DNAH10: variants seen among roughly 807,000 people sequenced by gnomAD.
The protein encoded by DNAH10 is axonemal beta dynein heavy chain 10.
In DNAH10, 348 loss-of-function variants were observed where a neutral mutation model predicts 506.6. The observed-to-expected ratio is 0.69, with a 90% confidence interval of 0.63 to 0.75. The LOEUF (loss-of-function observed/expected upper bound fraction) is 0.75, where lower values mean the gene tolerates loss of function less well. Among genes scored for constraint, DNAH10 ranks in the 30% least tolerant of loss-of-function variants. The probability of loss-of-function intolerance (pLI) is 0.00; values close to 1 mark genes in which losing one functional copy is unlikely to be tolerated. For synonymous variants in DNAH10, 2,059 were observed against 2,198.6 expected, an observed-to-expected ratio of 0.94 and a Z score of 1.78; for missense variants, 5,179 against 5,787.1, an observed-to-expected ratio of 0.89 and a Z score of 3.41.
At chr12:123,800,435 G>A (rs1449029196) in intron 15 of DNAH10, 47 bp downstream of exon 15, 4 of 1,576,326 alleles carry the variant, frequency 2.5e-6, no homozygotes, top group Non-Finnish European at 3.5e-6. Flanking sequence ...TTTGTTCTTG[G>A]GACCCCTTTA....
chr12:123,784,525 C>T (rs1180236292), intron 8 of DNAH10, among the ~76,000 whole-genome samples: 4 of 151,898 alleles, frequency 2.6e-5, no homozygotes, highest in Non-Finnish European at 5.9e-5. Context: ...CCAGCCTGGG[C>T]AACATAGCGA....
chr12:123,851,059 G>T lies in DNAH10; in HGVS notation c.6274G>T (p.Gly2092Cys), dbSNP rs771936663. 1 of 1,604,566 alleles carries T rather than the reference G, an allele frequency of 6.2e-7. No homozygotes were observed. The highest frequency in any genetic ancestry group is 8.5e-7 in the Non-Finnish European group (1 of 1,173,266). Residue 2092 changes from glycine (G) to cysteine (C), a missense_variant, in exon 35 of 79, where the codon GGC becomes TGC. By Grantham distance (159) the Gly-to-Cys change is radical (BLOSUM62 -3). This residue lies in a region of DNAH10 where 4,844 missense variants were observed against 5,430.5 expected (regional missense o/e 0.89). Coordinates refer to ENST00000673944, the MANE Select transcript of DNAH10 (RefSeq NM_001372106.1). Reference protein sequence around the residue: ...QICEIMLFSEGFLEAKTLAKK... With the variant: ...QICEIMLFSECFLEAKTLAKK... ...CTGTGAGATCATGCTCTTCTCTGAG[G>T]GCTTCCTGGAGGCCAAGGTGGGGGG...
At chr12:123,840,486 C>A (rs1262910223) in intron 29 of DNAH10, among the ~76,000 whole-genome samples, 1 of 146,642 alleles carries the variant, frequency 6.8e-6, no homozygotes, top group East Asian at 2.0e-4. Context: ...CTCATTGCAG[C>A]CTCTACCTCC....
intron 1 of DNAH10, among the ~76,000 whole-genome samples, chr12:123,765,216 A>G (rs937739446): frequency 6.6e-6 from 1 of 152,090 alleles, no homozygotes; most frequent in Non-Finnish European, 1.5e-5. Flanking sequence ...GCAGATACCC[A>G]AGATACTGAT....
chr12:123,863,799 G>A (rs1378520577), intron 39 of DNAH10, among the ~76,000 whole-genome samples: 1 of 152,212 alleles, frequency 6.6e-6, no homozygotes, highest in Non-Finnish European at 1.5e-5. Flanking sequence ...ATCTTTTGGT[G>A]GGGGGTGGGT....
intron 27 of DNAH10, among the ~76,000 whole-genome samples, chr12:123,835,104 G>A (rs770403606): frequency 1.6e-4 from 25 of 152,180 alleles, no homozygotes; most frequent in African/African-American, 2.9e-4. Flanking sequence ...CCTGTCCTTC[G>A]CTGTTGTGGG....
Position 123,879,858 on chromosome 12 carries a change from C to T in DNAH10, c.8634+57C>T, listed in dbSNP as rs142959183. The stretch of plus-strand genomic sequence containing the variant: ...CACTTTCTCCTGAGCATGGGCCAAG[C>T]GGGAGCTGAGCATCGCGCGGGTGCC... On this transcript the variant is annotated intron_variant, in intron 50 of 78. Transcript: ENST00000673944. The T allele has an allele frequency of 0.012, 18,386 of 1,579,736 alleles. 142 individuals are homozygous for T. The highest frequency in any genetic ancestry group is 0.014 in the Non-Finnish European group (16,072 of 1,160,972).
intron 13 of DNAH10, among the ~76,000 whole-genome samples, chr12:123,797,260 C>T (rs920972129): frequency 7.9e-5 from 12 of 152,186 alleles, no homozygotes; most frequent in Non-Finnish European, 1.8e-4. Context: ...CCATGCAGCA[C>T]GCTATGTAGA....
In DNAH10 at chr12:123,787,887, G is replaced by A; in HGVS notation, c.1505G>A (p.Arg502Gln). Residue 502 changes from arginine to glutamine, a missense_variant, in exon 10 of 79, where the codon CGG becomes CAG. By Grantham distance (43) the Arg-to-Gln change is conservative (BLOSUM62 1). Around this residue, in one of 3 missense-constraint regions of DNAH10, gnomAD observed 4,844 missense variants for 5,430.5 expected, o/e 0.89. Coordinates refer to ENST00000673944, the MANE Select transcript of DNAH10 (RefSeq NM_001372106.1). This position sits in a 1 kb window ranked among gnomAD's most constrained non-coding sequence, Gnocchi z 4.6. ...RLWKKAYFDT[R>Q]AKIEASGRED... ...TGGAAAAAGGCCTATTTTGACACCC[G>A]GGCCAAGATAGAGGCTTCGGGGAGG... The A allele has an allele frequency of 3.1e-6, 5 of 1,613,640 alleles. No homozygotes were observed. The highest frequency in any genetic ancestry group is 2.5e-6 in the Non-Finnish European group (3 of 1,179,844).
intron 77 of DNAH10, 174 bp from the exon 78 acceptor site, chr12:123,934,447 C>G (rs775052322): frequency 1.9e-5 from 16 of 820,770 alleles, no homozygotes; most frequent in Admixed American, 6.1e-5. Flanking sequence ...TGCTCCTCCA[C>G]AGAGGGAAGG....
At position 123,928,140 on chromosome 12, in the gene DNAH10, G is replaced by A. The variant is rs1955028082; in HGVS notation, c.12106-247G>A. ...TGGGACTTCCAGGGCCAGGGAGGCA[G>A]ATGAGTGCAAAATGCTCACCCATCT... On this transcript the variant is annotated intron_variant, in intron 69 of 78. Coordinates refer to ENST00000673944, the MANE Select transcript of DNAH10 (RefSeq NM_001372106.1). The surrounding 1 kb of genome is among the most constrained non-coding windows in gnomAD (Gnocchi z 4.9). The A allele has an allele frequency of 1.7e-6, 1 of 585,128 alleles. No homozygotes were observed. The highest frequency in any genetic ancestry group is 1.9e-5 in the African/African-American group (1 of 53,700). 36.2% of individuals were successfully genotyped at this position (585,128 alleles called of 1,614,324 possible). A position where few individuals can be genotyped will look rare whatever the true frequency, so the allele number is the denominator to read the frequency against.
intron 30 of DNAH10, among the ~76,000 whole-genome samples, chr12:123,842,471 G>A (rs942740663): frequency 6.6e-6 from 1 of 152,192 alleles, no homozygotes; most frequent in Non-Finnish European, 1.5e-5. Context: ...AGAATATTTG[G>A]CAGGGCCTTC....
intron 28 of DNAH10, 104 bp downstream of exon 28, chr12:123,835,632 C>A: frequency 6.9e-7 from 1 of 1,455,472 alleles, no homozygotes; most frequent in South Asian, 1.4e-5. Context: ...TAGCTTCTCT[C>A]TCATTTTTTA....
At chr12:123,835,023 T>C (rs1053673687) in intron 27 of DNAH10, among the ~76,000 whole-genome samples, 1 of 152,220 alleles carries the variant, frequency 6.6e-6, no homozygotes, top group Non-Finnish European at 1.5e-5. Context: ...TTCAATTCTT[T>C]TGGGTCAATA....
intron 76 of DNAH10, among the ~76,000 whole-genome samples, 187 bp from the exon 77 acceptor site, chr12:123,933,144 C>A (rs59035549): frequency 0.057 from 8,627 of 152,276 alleles, 750 homozygotes; most frequent in African/African-American, 0.18. Flanking sequence ...ATATCTAAAT[C>A]TTTGATCTAC....
chr12:123,826,617 A>T, intron 24 of DNAH10, 70 bp from the exon 25 acceptor site: 1 of 1,417,226 alleles, frequency 7.1e-7, no homozygotes, highest in Non-Finnish European at 9.7e-7. Flanking sequence ...CTAAGAGTCA[A>T]GAACTTGCTC....
intron 1 of DNAH10, among the ~76,000 whole-genome samples, chr12:123,764,247 A>G (rs1956935813): frequency 6.6e-6 from 1 of 152,166 alleles, no homozygotes; most frequent in African/African-American, 2.4e-5. Flanking sequence ...ATAAATAAAC[A>G]ACAATAACAA....
intron 12 of DNAH10, among the ~76,000 whole-genome samples, chr12:123,794,769 C>T (rs1178640439): frequency 6.6e-6 from 1 of 151,230 alleles, no homozygotes; most frequent in Non-Finnish European, 1.5e-5. Context: ...TCACCTGGGC[C>T]AATGGAGGTT....
chr12:123,778,073 G>A (rs1046084548), intron 5 of DNAH10, among the ~76,000 whole-genome samples: 7 of 151,912 alleles, frequency 4.6e-5, no homozygotes, highest in Admixed American at 4.6e-4. Context: ...CATGGCTGTG[G>A]GTGTCTGTAG....
Sources: allele counts gnomAD v4.1 joint callset (sites outside exome capture counted in the v4.1 genomes callset), GRCh38; gene constraint gnomAD v4.1.1; regional missense constraint gnomAD v4.1.1; non-coding constraint Gnocchi (gnomAD v3.1); transcripts MANE v1.5; gene names NCBI Gene and HGNC (gene_info 2026-07-23, HGNC 2026-07-21).